NRXN1: variants seen among roughly 807,000 people sequenced by gnomAD.
NRXN1 encodes the protein neurexin-1.
A neutral mutation model predicts 150.9 loss-of-function variants in NRXN1; 39 were observed. The ratio of observed to expected loss-of-function variants is 0.26; its 90% CI spans 0.20 to 0.34. The LOEUF (loss-of-function observed/expected upper bound fraction) is 0.34. Ranked by LOEUF, NRXN1 falls within the 10% of genes least tolerant of loss-of-function variation. The probability of loss-of-function intolerance (pLI) is 1.00; values close to 1 mark genes in which losing one functional copy is unlikely to be tolerated. For synonymous variants in NRXN1, 924 were observed against 757.0 expected, an observed-to-expected ratio of 1.22 and a Z score of -3.62; for missense variants, 1,815 against 1,949.9, an observed-to-expected ratio of 0.93 and a Z score of 1.30.
intron 21 of NRXN1, among the ~76,000 whole-genome samples, chr2:49,993,238 T>A (rs1253720807): frequency 6.6e-6 from 1 of 152,112 alleles, no homozygotes; most frequent in East Asian, 1.9e-4. Context: ...TTTTAAAAAA[T>A]GAGCCACTGA....
chr2:50,376,001 G>C (rs1177289417), intron 17 of NRXN1, among the ~76,000 whole-genome samples: 1 of 151,012 alleles, frequency 6.6e-6, no homozygotes, highest in Non-Finnish European at 1.5e-5. Flanking sequence ...TCTCTACTTG[G>C]ACCCTGACTC....
intron 5 of NRXN1, among the ~76,000 whole-genome samples, chr2:50,701,329 G>A (rs1468209743): frequency 6.6e-6 from 1 of 151,998 alleles, no homozygotes; most frequent in African/African-American, 2.4e-5. Flanking sequence ...TTCCAGAGTT[G>A]CTTTTGGCAT....
intron 5 of NRXN1, among the ~76,000 whole-genome samples, chr2:50,650,541 T>C (rs1419432686): frequency 6.6e-6 from 1 of 152,062 alleles, no homozygotes. Context: ...CAGTCTTTAA[T>C]GTCAGCTTGC....
chr2:50,255,477 C>T (rs1405980211), intron 17 of NRXN1, among the ~76,000 whole-genome samples: 1 of 152,048 alleles, frequency 6.6e-6, no homozygotes, highest in Non-Finnish European at 1.5e-5. Flanking sequence ...GTATTTGGTT[C>T]AAAAAATTCT....
intron 8 of NRXN1, among the ~76,000 whole-genome samples, chr2:50,558,671 G>A (rs1447209065): frequency 6.6e-6 from 1 of 152,154 alleles, no homozygotes. Context: ...TTAAAAATCT[G>A]TGCGGTTTAA....
intron 21 of NRXN1, among the ~76,000 whole-genome samples, chr2:50,028,291 T>G (rs1688680756): frequency 6.6e-6 from 1 of 152,194 alleles, no homozygotes; most frequent in Admixed American, 6.5e-5. Context: ...TGCACATTTC[T>G]TCTTTAAAGA....
intron 5 of NRXN1, among the ~76,000 whole-genome samples, chr2:50,641,904 C>A (rs560316979): frequency 6.6e-6 from 1 of 152,206 alleles, no homozygotes; most frequent in East Asian, 1.9e-4. Context: ...TGCCTTTACC[C>A]TTCTTGATGC....
chr2:50,347,038 G>C lies in NRXN1; in HGVS notation c.3365-110068C>G, dbSNP rs1331796852. 6 of 1,370,342 alleles carry C rather than the reference G, an allele frequency of 4.4e-6. No individual in the cohort carries two copies. Among genetic ancestry groups the C allele is most frequent in the Non-Finnish European group, 4.8e-6 (5 of 1,049,862 alleles). The allele number at this position is 1,370,342 out of a possible 1,614,324, so 84.9% of individuals were successfully genotyped here. A position where few individuals can be genotyped will look rare whatever the true frequency, so the allele number is the denominator to read the frequency against. The stretch of plus-strand genomic sequence containing the variant: ...AGGGCGCAGGGGAGCGGGCGGCGCG[G>C]AGTGGGCTGAGGGGCCGGCCGCCTC... On this transcript the variant is annotated intron_variant, in intron 17 of 22. Coordinates refer to ENST00000401669, the MANE Select transcript of NRXN1 (RefSeq NM_001330078.2). This position sits in a 1 kb window ranked among gnomAD's most constrained non-coding sequence, Gnocchi z 4.9.
intron 5 of NRXN1, among the ~76,000 whole-genome samples, chr2:50,790,135 CCACACACA>C (rs61580117): frequency 2.7e-5 from 4 of 146,852 alleles, no homozygotes; most frequent in Non-Finnish European, 6.0e-5. Context: ...TTCCCTCCCA[CCACACACA>C]CACACACACA....
At chr2:50,330,529 T>C (rs940833720) in intron 17 of NRXN1, among the ~76,000 whole-genome samples, 19 of 152,114 alleles carry the variant, frequency 1.2e-4, no homozygotes, top group African/African-American at 4.3e-4. Flanking sequence ...TACCTACTCC[T>C]AACCTTCCCC....
chr2:50,740,929 T>C (rs1283272370), intron 5 of NRXN1, among the ~76,000 whole-genome samples: 3 of 152,166 alleles, frequency 2.0e-5, no homozygotes, highest in African/African-American at 7.2e-5. Context: ...TTAGTTGAAT[T>C]ACTAACAAAG....
chr2:50,743,912 T>C (rs772495366), intron 5 of NRXN1, among the ~76,000 whole-genome samples: 1 of 152,178 alleles, frequency 6.6e-6, no homozygotes, highest in Non-Finnish European at 1.5e-5. Flanking sequence ...TCCTCCTTCA[T>C]AGAATCACCA....
intron 8 of NRXN1, among the ~76,000 whole-genome samples, chr2:50,617,568 T>G (rs2104201702): frequency 6.6e-6 from 1 of 152,296 alleles, no homozygotes; most frequent in Non-Finnish European, 1.5e-5. Context: ...AAAGTGACCG[T>G]GCTTCCTCAG....
intron 12 of NRXN1, among the ~76,000 whole-genome samples, chr2:50,518,071 C>G (rs1039760909): frequency 6.6e-6 from 1 of 151,940 alleles, no homozygotes; most frequent in Non-Finnish European, 1.5e-5. Context: ...TTATGACAGA[C>G]AAGGATAAAT....
intron 5 of NRXN1, among the ~76,000 whole-genome samples, chr2:50,660,099 T>C (rs1687076392): frequency 6.6e-6 from 1 of 152,006 alleles, no homozygotes. Context: ...CTTTACCCAC[T>C]GGGGACTTGG....
chr2:50,815,197 T>G (rs907680159), intron 5 of NRXN1, among the ~76,000 whole-genome samples: 6 of 152,134 alleles, frequency 3.9e-5, no homozygotes, highest in African/African-American at 1.4e-4. Context: ...AAACTACATT[T>G]TGAAACCTTC....
At chr2:50,566,756 T>C (rs1044118246) in intron 8 of NRXN1, among the ~76,000 whole-genome samples, 11 of 152,178 alleles carry the variant, frequency 7.2e-5, no homozygotes, top group Admixed American at 2.0e-4. Context: ...GGGATCCAAC[T>C]CAGCTTTTAT....
intron 5 of NRXN1, among the ~76,000 whole-genome samples, chr2:50,792,242 T>C (rs147836071): frequency 1.3e-5 from 2 of 152,074 alleles, no homozygotes; most frequent in Non-Finnish European, 2.9e-5. Flanking sequence ...AGTAAAGACA[T>C]TGAACATAAA....
intron 17 of NRXN1, among the ~76,000 whole-genome samples, chr2:50,398,699 C>G (rs1462603814): frequency 6.6e-6 from 1 of 152,052 alleles, no homozygotes; most frequent in African/African-American, 2.4e-5. Context: ...ATGGGCACTG[C>G]CTTTGGACAG....
Sources: allele counts gnomAD v4.1 joint callset (sites outside exome capture counted in the v4.1 genomes callset), GRCh38; gene constraint gnomAD v4.1.1; non-coding constraint Gnocchi (gnomAD v3.1); transcripts MANE v1.5; gene names NCBI Gene and HGNC (gene_info 2026-07-23, HGNC 2026-07-21).